TAFA5: variants seen among roughly 807,000 people sequenced by gnomAD.
TAFA5 encodes TAFA chemokine like family member 5, also known as chemokine-like protein TAFA-5.
TAFA5 carries 6 observed loss-of-function variants against 15.3 expected under a neutral mutation model. The observed-to-expected ratio is 0.39, with a 90% confidence interval of 0.21 to 0.77. The LOEUF is 0.77. Ranked by LOEUF, TAFA5 falls within the 30% of genes least tolerant of loss-of-function variation. The pLI, the probability that TAFA5 is intolerant of heterozygous loss-of-function variation, is 0.41. For synonymous variants in TAFA5, 103 were observed against 80.7 expected, an observed-to-expected ratio of 1.28 and a Z score of -1.48; for missense variants, 161 against 193.1, an observed-to-expected ratio of 0.83 and a Z score of 0.98.
intron 1 of TAFA5, among the ~76,000 whole-genome samples, chr22:48,646,157 G>A (rs916040077): frequency 1.4e-4 from 22 of 152,158 alleles, no homozygotes; most frequent in African/African-American, 5.3e-4. Context: ...CGGCTCCAAA[G>A]TGCCACACCC....
At chr22:48,676,801 C>T (rs1927987766) in intron 2 of TAFA5, among the ~76,000 whole-genome samples, 1 of 152,220 alleles carries the variant, frequency 6.6e-6, no homozygotes, top group Admixed American at 6.5e-5. Flanking sequence ...AAGCCATTGA[C>T]CTTGAGGAGG....
chr22:48,718,294 C>T (rs1048479471), intron 3 of TAFA5, among the ~76,000 whole-genome samples: 13 of 152,104 alleles, frequency 8.5e-5, no homozygotes, highest in African/African-American at 2.9e-4. Flanking sequence ...CAGCAAAGGC[C>T]GGGGCTGCTG....
chr22:48,523,780 C>T (rs16999312), intron 1 of TAFA5, among the ~76,000 whole-genome samples: 1 of 152,228 alleles, frequency 6.6e-6, no homozygotes, highest in African/African-American at 2.4e-5. Flanking sequence ...CTGACCCCAA[C>T]AGCTGAAAAT....
chr22:48,535,792 C>G (rs1922137374), intron 1 of TAFA5, among the ~76,000 whole-genome samples: 1 of 151,344 alleles, frequency 6.6e-6, no homozygotes, highest in Non-Finnish European at 1.5e-5. Flanking sequence ...TGTGTGCACA[C>G]AGGCTGTGTG....
chr22:48,750,580 C>A lies in TAFA5; in HGVS notation c.*733C>A. The A allele has an allele frequency of 6.6e-6, 1 of 152,658 alleles. No homozygotes were observed. The allele number at this position is 152,658 out of a possible 1,614,324, so 9.5% of individuals were successfully genotyped here. A position where few individuals can be genotyped will look rare whatever the true frequency, so the allele number is the denominator to read the frequency against. On this transcript the variant is annotated 3_prime_UTR_variant, in exon 4 of 4. Transcript: ENST00000402357. ...CCACGCAGACGCCGGGAACGCAGGCCGCTTTATTCCTCTGTACTTAGATCA... is the reference window on the plus strand; with the variant it reads ...CCACGCAGACGCCGGGAACGCAGGCAGCTTTATTCCTCTGTACTTAGATCA...
intron 1 of TAFA5, chr22:48,544,324 C>T (rs1363711229): frequency 3.9e-6 from 1 of 259,652 alleles, no homozygotes; most frequent in Non-Finnish European, 7.7e-6. Flanking sequence ...CGTTGTCTGC[C>T]CCCTCTATGG....
chr22:48,662,764 C>A (rs547222042), intron 2 of TAFA5, among the ~76,000 whole-genome samples: 4 of 152,168 alleles, frequency 2.6e-5, no homozygotes, highest in African/African-American at 7.2e-5. Flanking sequence ...GAAACTGAGG[C>A]GGCAGCTGAG....
intron 1 of TAFA5, among the ~76,000 whole-genome samples, chr22:48,614,002 G>T (rs1037720038): frequency 6.6e-6 from 1 of 152,222 alleles, no homozygotes; most frequent in African/African-American, 2.4e-5. Flanking sequence ...GGACAAAGCC[G>T]CTCGCGAGCA....
intron 3 of TAFA5, among the ~76,000 whole-genome samples, chr22:48,712,449 G>A (rs1213753484): frequency 6.6e-6 from 1 of 152,242 alleles, no homozygotes; most frequent in African/African-American, 2.4e-5. Flanking sequence ...AAAGGAGGAA[G>A]GAATAGAGTG....
At chr22:48,564,948 G>A (rs979573346) in intron 1 of TAFA5, among the ~76,000 whole-genome samples, 3 of 152,248 alleles carry the variant, frequency 2.0e-5, no homozygotes, top group African/African-American at 7.2e-5. Context: ...TGGGAGAGTT[G>A]TAAGCTGGCA....
At chr22:48,735,249 C>A (rs1929976180) in intron 3 of TAFA5, among the ~76,000 whole-genome samples, 1 of 152,200 alleles carries the variant, frequency 6.6e-6, no homozygotes, top group African/African-American at 2.4e-5. Flanking sequence ...CCTCTAGCCA[C>A]CCCGACTGAC....
At chr22:48,678,231 G>T (rs1419994421) in intron 2 of TAFA5, among the ~76,000 whole-genome samples, 1 of 152,114 alleles carries the variant, frequency 6.6e-6, no homozygotes, top group African/African-American at 2.4e-5. Context: ...CCTTAAGCTG[G>T]GCTATAAGGG....
At chr22:48,620,919 C>A in intron 1 of TAFA5, among the ~76,000 whole-genome samples, 1 of 64,030 alleles carries the variant, frequency 1.6e-5, no homozygotes, top group African/African-American at 5.7e-5. Context: ...ACCCACCTAT[C>A]CTATTCATCC....
chr22:48,651,453 C>T (rs1047732717), intron 2 of TAFA5, among the ~76,000 whole-genome samples: 1 of 152,180 alleles, frequency 6.6e-6, no homozygotes, highest in Non-Finnish European at 1.5e-5. Flanking sequence ...TTATATTCTC[C>T]AGGCATGAGG....
rs1160540367 is a variant in TAFA5 at position 48,676,304 on chromosome 22, T to C, written c.262+29558T>C. Among the ~76,000 whole-genome samples the C allele has an allele frequency of 2.9e-4, 44 of 152,226 alleles. 1 individual carries two copies. The highest frequency in any genetic ancestry group is 1.5e-5 in the Non-Finnish European group (1 of 68,022). On this transcript the variant is annotated intron_variant, in intron 2 of 3. Coordinates refer to ENST00000402357, the MANE Select transcript of TAFA5 (RefSeq NM_001082967.3). ...GAGTGGCCACAGGTGGGAGGACACC[T>C]TCTGGGTCTGGGCCAGGTGAGCCTT...
intron 1 of TAFA5, among the ~76,000 whole-genome samples, chr22:48,498,810 A>G (rs932111833): frequency 2.0e-5 from 3 of 152,196 alleles, no homozygotes; most frequent in Non-Finnish European, 4.4e-5. Context: ...AGCCCACTGG[A>G]AGCCCTGCTC....
intron 3 of TAFA5, among the ~76,000 whole-genome samples, chr22:48,746,330 TAA>T (rs71728424): frequency 0.01 from 1,594 of 152,106 alleles, 30 homozygotes; most frequent in African/African-American, 0.037. Context: ...ATTTTCAACA[TAA>T]GAGACATTGA....
chr22:48,610,956 G>A (rs964986313), intron 1 of TAFA5, among the ~76,000 whole-genome samples: 5 of 149,490 alleles, frequency 3.3e-5, no homozygotes, highest in Admixed American at 1.3e-4. Context: ...TTTTTTTGAG[G>A]TGGAGTCTCG....
intron 3 of TAFA5, among the ~76,000 whole-genome samples, chr22:48,735,852 G>A (rs371833529): frequency 0.055 from 1,658 of 29,936 alleles, 114 homozygotes; most frequent in African/African-American, 0.17. Flanking sequence ...AATGAGAATC[G>A]CACTCCTAGA....
Sources: allele counts gnomAD v4.1 joint callset (sites outside exome capture counted in the v4.1 genomes callset), GRCh38; gene constraint gnomAD v4.1.1; transcripts MANE v1.5; gene names NCBI Gene and HGNC (gene_info 2026-07-23, HGNC 2026-07-21).